The following CHSY1 variants were observed in gnomAD, a reference collection of about 807,000 sequenced individuals.
The protein encoded by CHSY1 is N-acetylgalactosaminyl-proteoglycan 3-beta-glucuronosyltransferase 1.
CHSY1 carries 13 observed loss-of-function variants against 59.8 expected under a neutral mutation model. That is an observed-to-expected ratio of 0.22 (90% CI 0.14 to 0.35). CHSY1 has a LOEUF of 0.35. Among genes scored for constraint, CHSY1 ranks in the 10% least tolerant of loss-of-function variants. The pLI is 1.00. For synonymous variants in CHSY1, 459 were observed against 401.2 expected, an observed-to-expected ratio of 1.14 and a Z score of -1.72; for missense variants, 947 against 1,030.6, an observed-to-expected ratio of 0.92 and a Z score of 1.11.
intron 2 of CHSY1, among the ~76,000 whole-genome samples, chr15:101,225,789 T>A (rs2141269617): frequency 6.6e-6 from 1 of 152,324 alleles, no homozygotes; most frequent in African/African-American, 2.4e-5. Context: ...CTTATAGCCG[T>A]GTGAGAACGG....
At chr15:101,200,318 C>A (rs1360768487) in intron 2 of CHSY1, among the ~76,000 whole-genome samples, 1 of 152,178 alleles carries the variant, frequency 6.6e-6, no homozygotes, top group Non-Finnish European at 1.5e-5. Flanking sequence ...GTTTGCAGTC[C>A]TACTGCATTT....
intron 1 of CHSY1, among the ~76,000 whole-genome samples, chr15:101,240,115 T>C (rs1441332080): frequency 2.0e-5 from 3 of 152,238 alleles, no homozygotes; most frequent in African/African-American, 4.8e-5. Context: ...TCCTTTTCTG[T>C]TCTAAATGAC....
intron 2 of CHSY1, among the ~76,000 whole-genome samples, chr15:101,214,249 C>T (rs1335455137): frequency 6.6e-6 from 1 of 152,208 alleles, no homozygotes; most frequent in Non-Finnish European, 1.5e-5. Flanking sequence ...ACAGCAGCTT[C>T]ACATTACTGG....
In CHSY1 at chr15:101,249,510, A is replaced by ATTTTTTT. The variant is rs34753057; in HGVS notation, c.320+1620_320+1626dup. The stretch of plus-strand genomic sequence containing the variant: ...CTCTATCTATCGATCGATAGATAGA[A>ATTTTTTT]TTTTTTTTTTTTTTTTTTTTTGAGA... On this transcript the variant is annotated intron_variant, in intron 1 of 2. Coordinates refer to ENST00000254190, the MANE Select transcript of CHSY1 (RefSeq NM_014918.5). 3.7e-4 allele frequency among the ~76,000 whole-genome samples: 42 copies of ATTTTTTT among 113,040 alleles called. 2 individuals are homozygous for ATTTTTTT. The highest frequency in any genetic ancestry group is 1.2e-3 in the African/African-American group (30 of 25,796). The allele number at this position is 113,040 out of a possible 152,430, so 74.2% of individuals were successfully genotyped here. A position where few individuals can be genotyped will look rare whatever the true frequency, so the allele number is the denominator to read the frequency against.
chr15:101,232,058 C>G (rs2038898016), intron 2 of CHSY1, among the ~76,000 whole-genome samples: 1 of 152,174 alleles, frequency 6.6e-6, no homozygotes, highest in Non-Finnish European at 1.5e-5. Flanking sequence ...ATTATCAAAA[C>G]AAGTTTAGAA....
At chr15:101,245,568 G>A (rs2039042149) in intron 1 of CHSY1, among the ~76,000 whole-genome samples, 1 of 152,132 alleles carries the variant, frequency 6.6e-6, no homozygotes, top group African/African-American at 2.4e-5. Flanking sequence ...TGTTAATAAA[G>A]AGCAGCTTAG....
At chr15:101,181,926 T>C (rs377007621) in intron 2 of CHSY1, among the ~76,000 whole-genome samples, 2 of 152,250 alleles carry the variant, frequency 1.3e-5, no homozygotes, top group African/African-American at 4.8e-5. Flanking sequence ...TTGCATGTTG[T>C]GTGAATTATA....
chr15:101,250,598 T>C (rs1334434336), intron 1 of CHSY1, among the ~76,000 whole-genome samples: 1 of 152,230 alleles, frequency 6.6e-6, no homozygotes, highest in East Asian at 1.9e-4. Flanking sequence ...CTCAACAGAC[T>C]GGTGTGGTCC....
At chr15:101,240,599 C>T (rs887882605) in intron 1 of CHSY1, among the ~76,000 whole-genome samples, 1 of 152,228 alleles carries the variant, frequency 6.6e-6, no homozygotes, top group Non-Finnish European at 1.5e-5. Context: ...TTTCTAAACG[C>T]TATTCCTACA....
intron 1 of CHSY1, 43 bp from the exon 2 acceptor site, chr15:101,235,620 A>G (rs1329104535): frequency 1.3e-6 from 2 of 1,594,114 alleles, no homozygotes; most frequent in Non-Finnish European, 8.5e-7. Context: ...GTTTATTCCA[A>G]GCTGATTTTC....
intron 2 of CHSY1, among the ~76,000 whole-genome samples, chr15:101,183,526 G>A (rs2038309560): frequency 6.6e-6 from 1 of 152,190 alleles, no homozygotes; most frequent in Non-Finnish European, 1.5e-5. Context: ...AAAGATGTCA[G>A]ATACTCAGGA....
intron 2 of CHSY1, among the ~76,000 whole-genome samples, chr15:101,220,178 C>T (rs535536523): frequency 1.3e-5 from 2 of 152,304 alleles, no homozygotes; most frequent in South Asian, 4.2e-4. Flanking sequence ...CAAGTGCAAA[C>T]TAAGCAAACG....
chr15:101,205,275 A>C (rs2038613697), intron 2 of CHSY1, among the ~76,000 whole-genome samples: 1 of 152,114 alleles, frequency 6.6e-6, no homozygotes, highest in Admixed American at 6.6e-5. Context: ...CATGACATCA[A>C]TTTATTATAA....
chr15:101,187,368 A>G (rs1474622601), intron 2 of CHSY1, among the ~76,000 whole-genome samples: 1 of 151,988 alleles, frequency 6.6e-6, no homozygotes, highest in Non-Finnish European at 1.5e-5. Flanking sequence ...AGTCCCAGCT[A>G]CTCGGGAGGG....
intron 1 of CHSY1, among the ~76,000 whole-genome samples, chr15:101,247,715 T>C (rs2039065352): frequency 6.6e-6 from 1 of 152,182 alleles, no homozygotes; most frequent in South Asian, 2.1e-4. Flanking sequence ...CTGTTTCTTG[T>C]CTGCTATCAG....
At chr15:101,211,004 T>A (rs1231358627) in intron 2 of CHSY1, among the ~76,000 whole-genome samples, 1 of 152,086 alleles carries the variant, frequency 6.6e-6, no homozygotes, top group Non-Finnish European at 1.5e-5. Flanking sequence ...TAACTAAAAT[T>A]AAAATACACA....
At chr15:101,206,008 G>C (rs1309496950) in intron 2 of CHSY1, among the ~76,000 whole-genome samples, 1 of 152,116 alleles carries the variant, frequency 6.6e-6, no homozygotes, top group Non-Finnish European at 1.5e-5. Flanking sequence ...TCCTGGTATG[G>C]TAGTGTTTTC....
In CHSY1 at chr15:101,221,984, T is replaced by A. The variant is rs139826961; in HGVS notation, c.816+13098A>T. ...GATGTCAGCAAGCCCGAGCGTTAAA[T>A]TGCTGAGTGAACGCTGAAAGATCTT... On this transcript the variant is annotated intron_variant, in intron 2 of 2. Transcript: ENST00000254190. Among the ~76,000 whole-genome samples, 11 of 152,296 alleles carry A rather than the reference T, an allele frequency of 7.2e-5. No individual in the cohort carries two copies. In the East Asian group the frequency reaches 2.1e-3, roughly 29 times the overall value.
chr15:101,207,929 T>C (rs1280780325), intron 2 of CHSY1, among the ~76,000 whole-genome samples: 1 of 152,172 alleles, frequency 6.6e-6, no homozygotes, highest in Non-Finnish European at 1.5e-5. Flanking sequence ...GGCCCAGCCT[T>C]GGGGCGTCAG....
Sources: gnomAD v4.1 joint callset for allele counts (sites outside exome capture counted in the v4.1 genomes callset) on GRCh38, gnomAD v4.1.1 for gene constraint, MANE v1.5 for transcripts, NCBI Gene and HGNC (gene_info 2026-07-23, HGNC 2026-07-21) for gene names.